PDE9A: variants seen among roughly 807,000 people sequenced by gnomAD.
PDE9A encodes phosphodiesterase 9A.
A neutral mutation model predicts 87.4 loss-of-function variants in PDE9A; 60 were observed. That is an observed-to-expected ratio of 0.69 (90% CI 0.56 to 0.85). The LOEUF is 0.85. PDE9A is among the 40% of genes least tolerant of loss of function. PDE9A has a pLI of 0.00. For missense variants in PDE9A, 665 were observed against 779.0 expected, an observed-to-expected ratio of 0.85 and a Z score of 1.74; for synonymous variants, 272 against 279.4, an observed-to-expected ratio of 0.97 and a Z score of 0.27.
In PDE9A at chr21:42,685,467, C is replaced by CTTTTTTTTTTTTTT. The variant is rs765252066; in HGVS notation, c.70-722_70-709dup. ...CAGTCCCCAAATACCGAAAGGCAGTCTTTTTTTTTTTTTTTTGAGACGGAG... is the reference window on the plus strand; with the variant it reads ...CAGTCCCCAAATACCGAAAGGCAGTCTTTTTTTTTTTTTTTTTTTTTTTTTTTTTTGAGACGGAG... On this transcript the variant is annotated intron_variant, in intron 1 of 19. Transcript: ENST00000291539. 9.2e-3 allele frequency among the ~76,000 whole-genome samples: 1,067 copies of CTTTTTTTTTTTTTT among 115,624 alleles called. 92 individuals carry two copies. Among genetic ancestry groups the CTTTTTTTTTTTTTT allele is most frequent in the East Asian group, 0.016 (61 of 3,722 alleles). The allele number at this position is 115,624 out of a possible 152,430, so 75.9% of individuals were successfully genotyped here.
Position 42,722,355 on chromosome 21 carries a change from T to G in PDE9A, c.263-9415T>G, listed in dbSNP as rs2050622899. On this transcript the variant is annotated intron_variant, in intron 4 of 19. Transcript: ENST00000291539. This position sits in a 1 kb window ranked among gnomAD's most constrained non-coding sequence, Gnocchi z 4.1. ...GGAGGGTGCTCAGCACCTCGCCCTG[T>G]TGCTCTGGGTTGGGACTAACAAGGT... Among the ~76,000 whole-genome samples, 1 of 152,226 alleles carries G rather than the reference T, an allele frequency of 6.6e-6. No homozygotes were observed. Among genetic ancestry groups the G allele is most frequent in the Non-Finnish European group, 1.5e-5 (1 of 68,044 alleles).
intron 1 of PDE9A, among the ~76,000 whole-genome samples, chr21:42,671,328 G>C (rs2058552523): frequency 6.6e-6 from 1 of 152,180 alleles, no homozygotes; most frequent in Non-Finnish European, 1.5e-5. Flanking sequence ...CATTTTAAAT[G>C]CCTCTGGCAC....
chr21:42,733,593 TG>T, intron 7 of PDE9A, 167 bp downstream of exon 7: 2 of 600,548 alleles, frequency 3.3e-6, no homozygotes, highest in East Asian at 5.5e-5. Flanking sequence ...GCTAGCACAG[TG>T]ACTAACTAAG....
rs371807277 is a variant in PDE9A at position 42,775,357 on chromosome 21, A to T, written c.*64A>T. On this transcript the variant is annotated 3_prime_UTR_variant, in exon 20 of 20. Transcript: ENST00000291539. ...GCCGAGCTGCGCGGGATCCTTGTGCAGGGAAGAGCTGCCCTGGGCACCTGG... is the reference window on the plus strand; with the variant it reads ...GCCGAGCTGCGCGGGATCCTTGTGCTGGGAAGAGCTGCCCTGGGCACCTGG... The T allele has an allele frequency of 3.3e-6, 5 of 1,520,592 alleles. No individual in the cohort carries two copies. The highest frequency in any genetic ancestry group is 4.5e-6 in the Non-Finnish European group (5 of 1,111,426). 94.2% of individuals were successfully genotyped at this position (1,520,592 alleles called of 1,614,324 possible). A position where few individuals can be genotyped will look rare whatever the true frequency, so the allele number is the denominator to read the frequency against.
intron 7 of PDE9A, chr21:42,734,018 C>T (rs1199590854): frequency 6.6e-6 from 1 of 152,182 alleles, no homozygotes; most frequent in African/African-American, 2.4e-5. Flanking sequence ...TGGCATCTCT[C>T]TACCCTCCTG....
intron 17 of PDE9A, among the ~76,000 whole-genome samples, chr21:42,769,759 T>G (rs1043795668): frequency 6.1e-5 from 4 of 65,614 alleles, no homozygotes; most frequent in African/African-American, 3.6e-4. Context: ...CACACAGGTA[T>G]GCACATGCAC....
chr21:42,752,156 G>A, intron 9 of PDE9A, among the ~76,000 whole-genome samples: 1 of 152,220 alleles, frequency 6.6e-6, no homozygotes, highest in Non-Finnish European at 1.5e-5. Flanking sequence ...TTCAAGTGAT[G>A]GCAGAGCCTT....
intron 4 of PDE9A, among the ~76,000 whole-genome samples, chr21:42,715,929 C>G (rs911652569): frequency 2.0e-5 from 3 of 151,870 alleles, no homozygotes; most frequent in African/African-American, 4.8e-5. Flanking sequence ...CCTCCCGCCC[C>G]AAGCCCCAGA....
chr21:42,672,066 A>G (rs1332425452), intron 1 of PDE9A, among the ~76,000 whole-genome samples: 1 of 152,270 alleles, frequency 6.6e-6, no homozygotes, highest in East Asian at 1.9e-4. Flanking sequence ...AGTCTAGGAT[A>G]GAGAAAATAA....
At chr21:42,753,861 CAAAA>C (rs57957426) in intron 9 of PDE9A, 125 bp from the exon 10 acceptor site, 2,619 of 427,986 alleles carry the variant, frequency 6.1e-3, no homozygotes, top group South Asian at 9.1e-3. Flanking sequence ...GACTCTATCT[CAAAA>C]AAAAAAAAAA....
chr21:42,714,379 G>A (rs935287746), intron 4 of PDE9A, among the ~76,000 whole-genome samples: 12 of 152,170 alleles, frequency 7.9e-5, no homozygotes, highest in African/African-American at 2.2e-4. Context: ...GTGGTGTGTC[G>A]CACCCAGATG....
chr21:42,760,599 C>T lies in PDE9A; in HGVS notation c.1002+167C>T, dbSNP rs1417427458. 6.6e-6 allele frequency among the ~76,000 whole-genome samples: 1 copy of T among 152,020 alleles called. No homozygotes were observed. Among genetic ancestry groups the T allele is most frequent in the Non-Finnish European group, 1.5e-5 (1 of 67,960 alleles). On this transcript the variant is annotated intron_variant, in intron 12 of 19. Coordinates refer to ENST00000291539, the MANE Select transcript of PDE9A (RefSeq NM_002606.3). This position sits in a 1 kb window ranked among gnomAD's most constrained non-coding sequence, Gnocchi z 5.2. ...CCCTGCCCACCGTTGTCAGTCACCCCATGGGCGAGGCTGCTCCTAGGATTA... is the reference window on the plus strand; with the variant it reads ...CCCTGCCCACCGTTGTCAGTCACCCTATGGGCGAGGCTGCTCCTAGGATTA...
At chr21:42,768,671 G>T in intron 16 of PDE9A, 1 of 985,410 alleles carries the variant, frequency 1.0e-6, no homozygotes, top group South Asian at 4.7e-5. Context: ...GGGGAAGGTC[G>T]GGGACATAGA....
chr21:42,772,596 G>A lies in PDE9A; in HGVS notation c.1768+76G>A, dbSNP rs563861070. 4.7e-6 allele frequency: 5 copies of A among 1,055,748 alleles called. No homozygotes were observed. In the East Asian group the frequency reaches 1.3e-4, roughly 27 times the overall value. The allele number at this position is 1,055,748 out of a possible 1,614,324, so 65.4% of individuals were successfully genotyped here. On this transcript the variant is annotated intron_variant, in intron 19 of 19. Coordinates refer to ENST00000291539, the MANE Select transcript of PDE9A (RefSeq NM_002606.3). ...CAAAGGACAGAAGGAAAGAGGAAGG[G>A]GAGAAAATCTGAATTTTGGAATACC...
At chr21:42,726,341 T>C (rs149119245) in intron 4 of PDE9A, among the ~76,000 whole-genome samples, 137 of 152,026 alleles carry the variant, frequency 9.0e-4, no homozygotes, top group Non-Finnish European at 1.8e-3. Flanking sequence ...CCATTTTTCT[T>C]TTTCTGGTTT....
At chr21:42,732,770 C>T (rs1027170446) in intron 6 of PDE9A, among the ~76,000 whole-genome samples, 2 of 152,120 alleles carry the variant, frequency 1.3e-5, no homozygotes, top group Non-Finnish European at 2.9e-5. Flanking sequence ...CAAAATTAGC[C>T]GGGCGTGGTG....
intron 3 of PDE9A, among the ~76,000 whole-genome samples, chr21:42,689,140 G>A (rs753610610): frequency 1.3e-5 from 2 of 151,610 alleles, no homozygotes; most frequent in South Asian, 2.1e-4. Context: ...CATGGCCAGC[G>A]CCGCCCCCCT....
intron 3 of PDE9A, among the ~76,000 whole-genome samples, chr21:42,698,718 A>G (rs760749520): frequency 1.3e-5 from 2 of 152,222 alleles, no homozygotes; most frequent in Non-Finnish European, 1.5e-5. Context: ...AGTAGTACCC[A>G]TGACAACATT....
chr21:42,662,679 C>G (rs996758833), intron 1 of PDE9A, among the ~76,000 whole-genome samples: 2 of 147,662 alleles, frequency 1.4e-5, no homozygotes, highest in African/African-American at 5.0e-5. Flanking sequence ...CGCACACGCA[C>G]TGCACACACA....
Sources: gnomAD v4.1 joint callset for allele counts (sites outside exome capture counted in the v4.1 genomes callset) on GRCh38, gnomAD v4.1.1 for gene constraint, Gnocchi (gnomAD v3.1) non-coding constraint, MANE v1.5 for transcripts, NCBI Gene and HGNC (gene_info 2026-07-23, HGNC 2026-07-21) for gene names.